Variants in CCDC102B observed in about 807,000 individuals in gnomAD.
The protein encoded by CCDC102B is coiled-coil domain-containing protein 102B.
Under a neutral mutation model 57.4 loss-of-function variants are expected in CCDC102B, and 75 were observed. The ratio of observed to expected loss-of-function variants is 1.31; its 90% CI spans 1.08 to 1.58. The LOEUF is 1.58. Ranked by LOEUF, CCDC102B falls within the 40% of genes most tolerant of loss-of-function variation. CCDC102B has a pLI of 0.00. For missense variants in CCDC102B, 636 were observed against 582.6 expected (o/e 1.09, Z -0.94); for synonymous variants, 206 against 201.9 (o/e 1.02, Z -0.17).
intron 2 of CCDC102B, chr18:68,753,199 A>G (rs1289656037): frequency 6.6e-6 from 1 of 152,094 alleles, no homozygotes; most frequent in Non-Finnish European, 1.5e-5. Flanking sequence ...TTATTTTTCA[A>G]TTTTTATTTC....
intron 6 of CCDC102B, among the ~76,000 whole-genome samples, chr18:68,962,351 C>A (rs960519472): frequency 2.6e-5 from 4 of 152,040 alleles, no homozygotes; most frequent in Non-Finnish European, 4.4e-5. Context: ...GAAGTGAATG[C>A]CCTTGGGTGA....
rs1568352223 is a variant in CCDC102B at position 68,956,424 on chromosome 18, AT to A, written c.1264-54508del. ...AATATATTTTATATATATTATATAT[AT>A]TATACATTTTATATATATTATATAT... On this transcript the variant is annotated intron_variant, in intron 6 of 7. Coordinates refer to ENST00000360242, the MANE Select transcript of CCDC102B (RefSeq NM_024781.3). Among the ~76,000 whole-genome samples the A allele has an allele frequency of 1.6e-4, 8 of 51,566 alleles. 2 individuals carry two copies. Among genetic ancestry groups the A allele is most frequent in the Admixed American group, 3.6e-4 (1 of 2,808 alleles). 33.8% of individuals were successfully genotyped at this position (51,566 alleles called of 152,430 possible). A position where few individuals can be genotyped will look rare whatever the true frequency, so the allele number is the denominator to read the frequency against.
chr18:68,927,022 T>G (rs1599703698), intron 6 of CCDC102B, among the ~76,000 whole-genome samples: 1 of 151,978 alleles, frequency 6.6e-6, no homozygotes, highest in Non-Finnish European at 1.5e-5. Context: ...ATACGATAAA[T>G]GAGCCAAAAG....
chr18:68,758,196 A>ATG, intron 2 of CCDC102B, among the ~76,000 whole-genome samples: 1 of 33,682 alleles, frequency 3.0e-5, no homozygotes, highest in East Asian at 0.02. Flanking sequence ...ACATGTAGAC[A>ATG]TGTGTGTTGT....
intron 2 of CCDC102B, among the ~76,000 whole-genome samples, chr18:68,786,221 G>C (rs1337058045): frequency 2.0e-5 from 3 of 152,062 alleles, no homozygotes; most frequent in East Asian, 3.9e-4. Flanking sequence ...ATGCTGTTTT[G>C]GTTACTGTAG....
At chr18:68,951,150 G>C (rs377252683) in intron 6 of CCDC102B, among the ~76,000 whole-genome samples, 22 of 152,082 alleles carry the variant, frequency 1.4e-4, no homozygotes, top group Non-Finnish European at 4.4e-5. Context: ...CCTGGAGTAG[G>C]GGAAGGGAAA....
At chr18:69,017,412 C>A (rs2051700998) in intron 7 of CCDC102B, among the ~76,000 whole-genome samples, 1 of 152,248 alleles carries the variant, frequency 6.6e-6, no homozygotes, top group Admixed American at 6.5e-5. Context: ...AGGCGTGAAC[C>A]ATCTTGCCAG....
chr18:68,831,046 A>G (rs1164995069), intron 1 of CCDC102B, among the ~76,000 whole-genome samples: 1 of 151,830 alleles, frequency 6.6e-6, no homozygotes. Context: ...TTTTTCTCTG[A>G]TCTATGAGGT....
chr18:68,929,543 C>G (rs967428685), intron 6 of CCDC102B, among the ~76,000 whole-genome samples: 1 of 151,862 alleles, frequency 6.6e-6, no homozygotes, highest in South Asian at 2.1e-4. Context: ...AGCCTGGTAA[C>G]CTTAAAAATA....
chr18:68,747,916 T>G (rs1185196859), intron 2 of CCDC102B, among the ~76,000 whole-genome samples: 1 of 152,162 alleles, frequency 6.6e-6, no homozygotes, highest in Non-Finnish European at 1.5e-5. Flanking sequence ...GTAGCTCTAT[T>G]TTTAATTTTT....
At chr18:68,821,367 T>C (rs2036682514) in intron 1 of CCDC102B, among the ~76,000 whole-genome samples, 1 of 151,234 alleles carries the variant, frequency 6.6e-6, no homozygotes, top group Non-Finnish European at 1.5e-5. Flanking sequence ...TTATAAAATT[T>C]TAAAAATTAA....
intron 2 of CCDC102B, among the ~76,000 whole-genome samples, chr18:68,775,635 G>A (rs985310544): frequency 6.7e-6 from 1 of 150,296 alleles, no homozygotes; most frequent in South Asian, 2.1e-4. Context: ...GATGCTAGTA[G>A]GCATCGATAA....
At chr18:68,770,905 G>C (rs2034618568) in intron 2 of CCDC102B, among the ~76,000 whole-genome samples, 1 of 152,210 alleles carries the variant, frequency 6.6e-6, no homozygotes, top group Non-Finnish European at 1.5e-5. Flanking sequence ...ACTCAGCATG[G>C]TGTTTTAAAC....
chr18:68,766,598 C>T (rs1318844258), intron 2 of CCDC102B, among the ~76,000 whole-genome samples: 2 of 152,190 alleles, frequency 1.3e-5, no homozygotes, highest in African/African-American at 4.8e-5. Flanking sequence ...TCTGAAGTAA[C>T]TGGCAGCAGA....
chr18:68,852,844 A>T (rs1300325406), intron 4 of CCDC102B, among the ~76,000 whole-genome samples: 1 of 152,168 alleles, frequency 6.6e-6, no homozygotes, highest in African/African-American at 2.4e-5. Context: ...AAAGGAGAAG[A>T]TGTGCAATTC....
intron 6 of CCDC102B, among the ~76,000 whole-genome samples, chr18:68,901,488 G>T (rs1438891919): frequency 6.6e-6 from 1 of 152,018 alleles, no homozygotes; most frequent in East Asian, 1.9e-4. Context: ...CAGAAGGGGG[G>T]CCAAGAAGGA....
chr18:68,950,765 T>C (rs1160419752), intron 6 of CCDC102B, among the ~76,000 whole-genome samples: 1 of 152,136 alleles, frequency 6.6e-6, no homozygotes, highest in Non-Finnish European at 1.5e-5. Flanking sequence ...GCATTATGCA[T>C]ATGTGTATGA....
At chr18:68,741,713 A>ACACACACACACC (rs1393809459) in intron 2 of CCDC102B, among the ~76,000 whole-genome samples, 13 of 97,676 alleles carry the variant, frequency 1.3e-4, no homozygotes, top group African/African-American at 5.6e-4. Context: ...ACACACACAC[A>ACACACACACACC]CCCCAAGACA....
chr18:68,927,950 T>G (rs2041532370), intron 6 of CCDC102B, among the ~76,000 whole-genome samples: 1 of 151,896 alleles, frequency 6.6e-6, no homozygotes, highest in Non-Finnish European at 1.5e-5. Flanking sequence ...GGGTCTGATT[T>G]GAAGCACACA....
Sources: allele counts gnomAD v4.1 joint callset (sites outside exome capture counted in the v4.1 genomes callset), GRCh38; gene constraint gnomAD v4.1.1; transcripts MANE v1.5; gene names NCBI Gene and HGNC (gene_info 2026-07-23, HGNC 2026-07-21).